Variants in CPEB1 observed in about 807,000 individuals in gnomAD.
CPEB1 encodes the protein cytoplasmic polyadenylation element binding protein 1.
Under a neutral mutation model 65.8 loss-of-function variants are expected in CPEB1, and 7 were observed. That is an observed-to-expected ratio of 0.11 (90% CI 0.06 to 0.20). The LOEUF (loss-of-function observed/expected upper bound fraction) is 0.20. Ranked by LOEUF, CPEB1 falls within the 10% of genes least tolerant of loss-of-function variation. CPEB1 has a pLI of 1.00. For synonymous variants in CPEB1, 262 were observed against 260.0 expected (o/e 1.01, Z -0.08); for missense variants, 551 against 712.2 (o/e 0.77, Z 2.58).
Position 82,557,897 on chromosome 15 carries a change from C to T in CPEB1, c.550G>A (p.Val184Met). ...LPLDPLGSDLVDKFPAPSVRG... is the reference protein window; with the variant it reads ...LPLDPLGSDLMDKFPAPSVRG... ...ACTGAGGGTGCTGGAAACTTGTCCA[C>T]CAAGTCAGACCCAAGGGGATCCAGA... is the stretch of plus-strand genomic sequence containing the variant. The change falls in exon 5 of 13, where the codon GTG (valine) becomes ATG (methionine). Residue 184 changes from valine to methionine, a missense_variant. Val to Met is a conservative substitution (Grantham distance 21, BLOSUM62 1). Around this residue, in one of 6 missense-constraint regions of CPEB1, gnomAD observed 223 missense variants for 228.6 expected, o/e 0.98. Transcript: ENST00000684509. 6 of 1,614,118 alleles carry T rather than the reference C, an allele frequency of 3.7e-6. No individual in the cohort carries two copies. The South Asian group carries it at 5.5e-5, about 15-fold the overall frequency.
intron 3 of CPEB1, among the ~76,000 whole-genome samples, chr15:82,625,555 C>T (rs538741852): frequency 2.0e-4 from 30 of 152,202 alleles, no homozygotes; most frequent in South Asian, 1.7e-3. Context: ...TACCAAAATC[C>T]GCACATACTC....
intron 5 of CPEB1, among the ~76,000 whole-genome samples, chr15:82,556,998 A>G (rs1328495695): frequency 1.3e-5 from 2 of 152,252 alleles, no homozygotes; most frequent in Non-Finnish European, 2.9e-5. Context: ...AGATTTGGCA[A>G]CAAAAATGCT....
chr15:82,573,285 C>A, intron 3 of CPEB1: 1 of 869,702 alleles, frequency 1.1e-6, no homozygotes, highest in Non-Finnish European at 1.7e-6. Context: ...CCACGTTATT[C>A]CTCCTGGCTG....
intron 1 of CPEB1, chr15:82,628,776 T>C (rs2045987891): frequency 3.9e-6 from 1 of 254,242 alleles, no homozygotes; most frequent in African/African-American, 2.2e-5. Flanking sequence ...AAACAGTAAA[T>C]ATGAAGATCT....
chr15:82,575,225 T>A (rs907288654), intron 3 of CPEB1, among the ~76,000 whole-genome samples: 4 of 152,102 alleles, frequency 2.6e-5, no homozygotes, highest in African/African-American at 9.7e-5. Flanking sequence ...AAGCAATTCA[T>A]TGGGGAAAAA....
chr15:82,644,532 C>G (rs148091110), intron 1 of CPEB1, among the ~76,000 whole-genome samples: 217 of 152,194 alleles, frequency 1.4e-3, no homozygotes, highest in African/African-American at 4.9e-3. Flanking sequence ...TACATTTGGT[C>G]TATAGTGTTT....
Position 82,557,922 on chromosome 15 carries a change from A to G in CPEB1, c.525T>C (p.Pro175=). Residue 175 remains proline (P), a synonymous_variant, in exon 5 of 13, where the codon CCT becomes CCC. Coordinates refer to ENST00000684509, the MANE Select transcript of CPEB1 (RefSeq NM_001365242.1). ...CCAAGTCAGACCCAAGGGGATCCAG[A>G]GGCAGGAAGCTCAAGGGGGGTTTTC... The part of the protein sequence containing the change: ...VLGKPPLSFL[P]LDPLGSDLVD... 1 of 1,614,150 alleles carries G rather than the reference A, an allele frequency of 6.2e-7. No homozygotes were observed. Among genetic ancestry groups the G allele is most frequent in the Non-Finnish European group, 8.5e-7 (1 of 1,180,000 alleles).
In CPEB1 at chr15:82,621,863, C is replaced by A. The variant is rs573791780; in HGVS notation, c.271+5330G>T. 2.7e-4 allele frequency among the ~76,000 whole-genome samples: 41 copies of A among 152,274 alleles called. No homozygotes were observed. The South Asian group carries it at 8.1e-3, about 30-fold the overall frequency. ...CTTACTTAGGACTGCTTTGGCTAGT[C>A]AATTCCTTTCTAAACCTCCAAGCTA... On this transcript the variant is annotated intron_variant, in intron 3 of 12. Transcript: ENST00000684509.
At chr15:82,568,457 A>G (rs1453518484) in intron 4 of CPEB1, among the ~76,000 whole-genome samples, 3 of 152,218 alleles carry the variant, frequency 2.0e-5, no homozygotes, top group African/African-American at 7.2e-5. Context: ...CCATCAAGGG[A>G]TAGTGCCTCA....
chr15:82,590,649 CCACCCAACATCCTCAAATGGG>C (rs2151144914), intron 3 of CPEB1, among the ~76,000 whole-genome samples: 1 of 152,264 alleles, frequency 6.6e-6, no homozygotes, highest in Admixed American at 6.5e-5. Flanking sequence ...CTCCCTTCTC[CCACCCAACATCCTCAAATGGG>C]CACCCAACAC....
chr15:82,554,583 CT>C (rs753446467), intron 6 of CPEB1, among the ~76,000 whole-genome samples: 2 of 152,202 alleles, frequency 1.3e-5, no homozygotes, highest in Non-Finnish European at 2.9e-5. Context: ...GACAATGGGC[CT>C]TCCTTGATGC....
Position 82,579,711 on chromosome 15 carries a change from G to C in CPEB1, c.272-8179C>G, listed in dbSNP as rs185202078. Among the ~76,000 whole-genome samples, 311 of 151,034 alleles carry C rather than the reference G, an allele frequency of 2.1e-3. 11 individuals are homozygous for C. In the East Asian group the frequency reaches 0.055, roughly 27 times the overall value. Reference sequence around the variant, plus strand: ...GTGGATCATGAGGTCAGGAGATCGAGACCATCCTGGCTAACAAGGTGAAAC... The same window carrying C: ...GTGGATCATGAGGTCAGGAGATCGACACCATCCTGGCTAACAAGGTGAAAC... On this transcript the variant is annotated intron_variant, in intron 3 of 12. Coordinates refer to ENST00000684509, the MANE Select transcript of CPEB1 (RefSeq NM_001365242.1).
intron 3 of CPEB1, among the ~76,000 whole-genome samples, chr15:82,578,703 G>C (rs537839365): frequency 2.6e-5 from 4 of 152,192 alleles, no homozygotes; most frequent in African/African-American, 9.6e-5. Flanking sequence ...GTTGCAGTGA[G>C]CCAAGATCAT....
chr15:82,556,197 A>G, intron 5 of CPEB1, 75 bp from the exon 6 acceptor site: 1 of 1,422,988 alleles, frequency 7.0e-7, no homozygotes, highest in Non-Finnish European at 9.4e-7. Flanking sequence ...TATAGAAATT[A>G]TTAAAAACAT....
intron 1 of CPEB1, among the ~76,000 whole-genome samples, chr15:82,644,595 T>G (rs1436515888): frequency 6.6e-6 from 1 of 152,146 alleles, no homozygotes; most frequent in African/African-American, 2.4e-5. Flanking sequence ...AAAATAGAGA[T>G]AGCCAGTTTA....
At position 82,543,937 on chromosome 15, in the gene CPEB1, T is replaced by TCC. The variant is rs2034725951; in HGVS notation, c.*654_*655insGG. 2 of 152,260 alleles carry TCC rather than the reference T, an allele frequency of 1.3e-5. No homozygotes were observed. The highest frequency in any genetic ancestry group is 2.4e-5 in the African/African-American group (1 of 41,428). The allele number at this position is 152,260 out of a possible 1,614,324, so 9.4% of individuals were successfully genotyped here. On this transcript the variant is annotated 3_prime_UTR_variant, in exon 13 of 13. Coordinates refer to ENST00000684509, the MANE Select transcript of CPEB1 (RefSeq NM_001365242.1). The stretch of plus-strand genomic sequence containing the variant: ...AAAAGCTGCCAGGAAAGAAAAAATA[T>TCC]CTTGTTCCAAACGACTTAAAAACTG...
At chr15:82,561,185 G>A (rs1316544926) in intron 4 of CPEB1, among the ~76,000 whole-genome samples, 2 of 152,216 alleles carry the variant, frequency 1.3e-5, no homozygotes, top group African/African-American at 4.8e-5. Flanking sequence ...GACTTAGAAT[G>A]TGAGAAGTCT....
intron 3 of CPEB1, among the ~76,000 whole-genome samples, chr15:82,585,006 G>C (rs1307137881): frequency 1.4e-5 from 2 of 139,330 alleles, no homozygotes; most frequent in African/African-American, 5.5e-5. Flanking sequence ...AACTTGAGTA[G>C]TTTTTGCAGA....
At chr15:82,634,618 CAG>C (rs1049887379) in intron 1 of CPEB1, among the ~76,000 whole-genome samples, 8 of 152,188 alleles carry the variant, frequency 5.3e-5, no homozygotes, top group Non-Finnish European at 1.2e-4. Context: ...CTCAGTCCTC[CAG>C]AGAGAGTTCT....
Sources: allele counts gnomAD v4.1 joint callset (sites outside exome capture counted in the v4.1 genomes callset), GRCh38; gene constraint gnomAD v4.1.1; regional missense constraint gnomAD v4.1.1; transcripts MANE v1.5; gene names NCBI Gene and HGNC (gene_info 2026-07-23, HGNC 2026-07-21).